ZCWPW2: variants seen among roughly 807,000 people sequenced by gnomAD.
The protein encoded by ZCWPW2 is zinc finger CW-type PWWP domain protein 2.
ZCWPW2 carries 45 observed loss-of-function variants against 46.6 expected under a neutral mutation model. The ratio of observed to expected loss-of-function variants is 0.96; its 90% CI spans 0.76 to 1.24. The LOEUF is 1.24. ZCWPW2 is among the 50% of genes most tolerant of loss of function. The pLI is 0.00. For synonymous variants in ZCWPW2, 152 were observed against 137.1 expected, an observed-to-expected ratio of 1.11 and a Z score of -0.76; for missense variants, 429 against 403.9, an observed-to-expected ratio of 1.06 and a Z score of -0.53.
At position 28,478,899 on chromosome 3, in the gene ZCWPW2, G is replaced by C. The variant is rs1250118681; in HGVS notation, c.578G>C (p.Arg193Thr). Residue 193 changes from arginine to threonine, a missense_variant, in exon 5 of 10, where the codon AGA becomes ACA. Physicochemically the swap from Arg to Thr is moderately conservative, Grantham distance 71. Coordinates refer to ENST00000383768, the MANE Select transcript of ZCWPW2 (RefSeq NM_001040432.4). ...CLLYGYSHEQ[R>T]LEMCCLSKLQ... ...CTCTATGGATATTCTCATGAGCAAA[G>C]ACTGGAAATGTGCTGCCTATCAAAA... 2.8e-5 allele frequency: 45 copies of C among 1,586,888 alleles called. No homozygotes were observed. Among genetic ancestry groups the C allele is most frequent in the Non-Finnish European group, 3.7e-5 (43 of 1,170,640 alleles).
chr3:28,365,303 C>A (rs1429277624), intron 1 of ZCWPW2, among the ~76,000 whole-genome samples: 2 of 141,166 alleles, frequency 1.4e-5, no homozygotes, highest in Non-Finnish European at 3.2e-5. Flanking sequence ...AGTCTTTAAT[C>A]CATCTTGAAT....
rs141449090 is a variant in ZCWPW2, at chr3:28,394,547, T to C, written c.-14+3930T>C. Among the ~76,000 whole-genome samples the C allele has an allele frequency of 2.5e-3, 385 of 152,140 alleles. 1 individual carries two copies. The highest frequency in any genetic ancestry group is 8.4e-3 in the African/African-American group (350 of 41,538). On this transcript the variant is annotated intron_variant, in intron 2 of 9. Transcript: ENST00000383768. ...CAAAGCTATAGTAAGCAAAACAGTA[T>C]GGTGGCATCATAAAAATAGACATAT... is the stretch of plus-strand genomic sequence containing the variant.
chr3:28,409,390 G>A (rs1455148971), intron 2 of ZCWPW2, among the ~76,000 whole-genome samples: 1 of 151,888 alleles, frequency 6.6e-6, no homozygotes, highest in African/African-American at 2.4e-5. Flanking sequence ...AAAGTGCTGG[G>A]ATTATAGGCA....
chr3:28,430,411 G>A (rs1697208590), intron 3 of ZCWPW2, among the ~76,000 whole-genome samples: 2 of 152,334 alleles, frequency 1.3e-5, no homozygotes, highest in South Asian at 4.1e-4. Context: ...TACTCACATG[G>A]TATCTAAGAA....
intron 4 of ZCWPW2, among the ~76,000 whole-genome samples, chr3:28,477,112 T>G (rs566428185): frequency 6.6e-6 from 1 of 152,160 alleles, no homozygotes; most frequent in Non-Finnish European, 1.5e-5. Context: ...AGCTTTAAAG[T>G]GATTTTTCAC....
intron 5 of ZCWPW2, among the ~76,000 whole-genome samples, chr3:28,483,923 G>A (rs1271266095): frequency 6.6e-6 from 1 of 152,016 alleles, no homozygotes; most frequent in Non-Finnish European, 1.5e-5. Flanking sequence ...CATATCATGT[G>A]CAGCGAGAGT....
At chr3:28,402,058 A>G (rs1695965157) in intron 2 of ZCWPW2, among the ~76,000 whole-genome samples, 1 of 151,766 alleles carries the variant, frequency 6.6e-6, no homozygotes, top group Non-Finnish European at 1.5e-5. Flanking sequence ...GAAGAAAGGA[A>G]ACAACCAAGA....
At chr3:28,449,208 C>T (rs1034371784) in intron 4 of ZCWPW2, among the ~76,000 whole-genome samples, 2 of 152,108 alleles carry the variant, frequency 1.3e-5, no homozygotes, top group African/African-American at 4.8e-5. Context: ...AAGCTAGACC[C>T]TTACCTAAAA....
intron 1 of ZCWPW2, among the ~76,000 whole-genome samples, chr3:28,390,108 C>G (rs989802455): frequency 2.0e-5 from 3 of 152,122 alleles, no homozygotes; most frequent in African/African-American, 4.8e-5. Context: ...TACAGATGGC[C>G]ATGGGAATGT....
At chr3:28,481,601 G>A (rs1315528885) in intron 5 of ZCWPW2, among the ~76,000 whole-genome samples, 1 of 152,046 alleles carries the variant, frequency 6.6e-6, no homozygotes, top group Admixed American at 6.6e-5. Flanking sequence ...TATTTTACAA[G>A]CCCCTTTTTG....
chr3:28,478,664 A>G, intron 4 of ZCWPW2, 150 bp from the exon 5 acceptor site: 1 of 392,342 alleles, frequency 2.5e-6, no homozygotes, highest in Non-Finnish European at 4.5e-6. Flanking sequence ...GAATTCTAAA[A>G]TAATATTAAA....
At chr3:28,369,217 TGGA>T (rs1361532211) in intron 1 of ZCWPW2, among the ~76,000 whole-genome samples, 2 of 152,232 alleles carry the variant, frequency 1.3e-5, no homozygotes, top group African/African-American at 4.8e-5. Flanking sequence ...TGTATTCCTT[TGGA>T]GGAGGAGAGG....
At chr3:28,413,016 G>T in intron 2 of ZCWPW2, 40 bp from the exon 3 acceptor site, 2 of 1,509,588 alleles carry the variant, frequency 1.3e-6, no homozygotes, top group South Asian at 1.3e-5. Context: ...TTATACTCTT[G>T]AATCCTCATT....
chr3:28,425,497 CAG>C (rs1696969520), intron 3 of ZCWPW2, among the ~76,000 whole-genome samples: 1 of 152,156 alleles, frequency 6.6e-6, no homozygotes, highest in Admixed American at 6.5e-5. Flanking sequence ...CTGCTGGCCT[CAG>C]AGATACCTAG....
intron 5 of ZCWPW2, among the ~76,000 whole-genome samples, chr3:28,486,669 G>A (rs1310317142): frequency 1.3e-5 from 2 of 152,110 alleles, no homozygotes; most frequent in African/African-American, 4.8e-5. Flanking sequence ...TGAGCCCAGA[G>A]TTGGAGACCA....
chr3:28,413,521 C>A, intron 3 of ZCWPW2, 121 bp downstream of exon 3: 1 of 867,838 alleles, frequency 1.2e-6, no homozygotes, highest in Non-Finnish European at 1.7e-6. Flanking sequence ...TTTATCATTG[C>A]TCTTTTCCAT....
Position 28,370,478 on chromosome 3 carries a change from A to G in ZCWPW2, c.-133-20020A>G, listed in dbSNP as rs568800803. ...GAGGCATCTCATATGGGCACAAAAG[A>G]ATACATTATGATATACTTTATATGA... is the stretch of plus-strand genomic sequence containing the variant. On this transcript the variant is annotated intron_variant, in intron 1 of 9. Transcript: ENST00000383768. 1.6e-3 allele frequency among the ~76,000 whole-genome samples: 249 copies of G among 152,342 alleles called. 2 individuals carry two copies. The highest frequency in any genetic ancestry group is 5.7e-3 in the African/African-American group (237 of 41,582).
In ZCWPW2 at chr3:28,478,882, A is replaced by G; in HGVS notation, c.561A>G (p.Gly187=). The G allele has an allele frequency of 6.3e-7, 1 of 1,589,760 alleles. No homozygotes were observed. Among genetic ancestry groups the G allele is most frequent in the Non-Finnish European group, 8.5e-7 (1 of 1,171,576 alleles). Residue 187 remains glycine, a synonymous_variant, in exon 5 of 10, where the codon GGA becomes GGG. Transcript: ENST00000383768. Reference sequence around the variant, plus strand: ...TACAAGAAGCATGTCTACTCTATGGATATTCTCATGAGCAAAGACTGGAAA... The same window carrying G: ...TACAAGAAGCATGTCTACTCTATGGGTATTCTCATGAGCAAAGACTGGAAA... The part of the protein sequence containing the change: ...SALQEACLLY[G]YSHEQRLEMC...
At chr3:28,482,719 A>G (rs2125808145) in intron 5 of ZCWPW2, among the ~76,000 whole-genome samples, 1 of 152,284 alleles carries the variant, frequency 6.6e-6, no homozygotes, top group East Asian at 1.9e-4. Context: ...GCACCTCATA[A>G]GTGTTTTAAT....
Sources: allele counts gnomAD v4.1 joint callset (sites outside exome capture counted in the v4.1 genomes callset), GRCh38; gene constraint gnomAD v4.1.1; transcripts MANE v1.5; gene names NCBI Gene and HGNC (gene_info 2026-07-23, HGNC 2026-07-21).